The following SUFU variants were observed in gnomAD, a reference collection of about 807,000 sequenced individuals.
SUFU encodes suppressor of fused homolog.
Under a neutral mutation model 58.9 loss-of-function variants are expected in SUFU, and 7 were observed. The observed-to-expected ratio is 0.12, with a 90% CI of 0.07 to 0.22. The LOEUF (loss-of-function observed/expected upper bound fraction) is 0.22. Ranked by LOEUF, SUFU falls within the 10% of genes least tolerant of loss-of-function variation. The probability of loss-of-function intolerance (pLI) is 1.00; values close to 1 mark genes in which losing one functional copy is unlikely to be tolerated. For missense variants in SUFU, 451 were observed against 641.3 expected (o/e 0.70, Z 3.20); for synonymous variants, 232 against 254.8 (o/e 0.91, Z 0.85).
intron 8 of SUFU, among the ~76,000 whole-genome samples, chr10:102,605,831 A>G (rs2063557984): frequency 6.6e-6 from 1 of 152,184 alleles, no homozygotes; most frequent in Non-Finnish European, 1.5e-5. Flanking sequence ...AGCAGGCCAA[A>G]TCCACTTCAC....
At chr10:102,623,666 G>C (rs553491581) in intron 10 of SUFU, among the ~76,000 whole-genome samples, 80 of 152,356 alleles carry the variant, frequency 5.3e-4, no homozygotes, top group African/African-American at 1.9e-3. Context: ...TGAGCCAGGC[G>C]TGGTGGCTCT....
chr10:102,521,091 A>G (rs117862869), intron 2 of SUFU, among the ~76,000 whole-genome samples: 1 of 152,318 alleles, frequency 6.6e-6, no homozygotes, highest in East Asian at 1.9e-4. Context: ...TCCCACTAGC[A>G]ATGAATGAGA....
chr10:102,612,759 AC>A (rs2063639872), intron 8 of SUFU, among the ~76,000 whole-genome samples: 1 of 151,866 alleles, frequency 6.6e-6, no homozygotes, highest in Admixed American at 6.6e-5. Flanking sequence ...TGTGAGAGTC[AC>A]CCCCTGGTCC....
At chr10:102,556,736 CAA>C (rs763209229) in intron 3 of SUFU, among the ~76,000 whole-genome samples, 11 of 61,610 alleles carry the variant, frequency 1.8e-4, no homozygotes, top group Admixed American at 1.7e-4. Context: ...GAGTGAGACT[CAA>C]AAAAAAAAAA....
intron 3 of SUFU, among the ~76,000 whole-genome samples, chr10:102,575,085 G>A (rs188441501): frequency 1.3e-4 from 20 of 151,886 alleles, no homozygotes; most frequent in African/African-American, 4.6e-4. Flanking sequence ...GCATGGTGGT[G>A]TGCCTGTAGT....
intron 10 of SUFU, 95 bp from the exon 11 acceptor site, chr10:102,627,080 C>T: frequency 7.4e-7 from 1 of 1,348,352 alleles, no homozygotes; most frequent in South Asian, 1.2e-5. Context: ...GCTCATCTCT[C>T]CTCCATGGTC....
rs1429441924 is a variant in SUFU at position 102,631,553 on chromosome 10, C to T, written c.*1398C>T. The T allele has an allele frequency of 4.3e-6, 1 of 233,356 alleles. No individual in the cohort carries two copies. Among genetic ancestry groups the T allele is most frequent in the African/African-American group, 2.2e-5 (1 of 45,342 alleles). The allele number at this position is 233,356 out of a possible 1,614,324, so 14.5% of individuals were successfully genotyped here. A position where few individuals can be genotyped will look rare whatever the true frequency, so the allele number is the denominator to read the frequency against. On this transcript the variant is annotated 3_prime_UTR_variant, in exon 12 of 12. Coordinates refer to ENST00000369902, the MANE Select transcript of SUFU (RefSeq NM_016169.4). Reference sequence around the variant, plus strand: ...CAATACTTCAAGATCACTCTTTACACCTCTTCAAAGCAAAGTCATGACAAT... The same window carrying T: ...CAATACTTCAAGATCACTCTTTACATCTCTTCAAAGCAAAGTCATGACAAT...
intron 8 of SUFU, among the ~76,000 whole-genome samples, chr10:102,612,033 A>G (rs1291826475): frequency 6.6e-6 from 1 of 152,248 alleles, no homozygotes; most frequent in African/African-American, 2.4e-5. Flanking sequence ...TTTTATGACT[A>G]AGATTAAGCT....
chr10:102,563,129 A>G (rs2063055367), intron 3 of SUFU, among the ~76,000 whole-genome samples: 1 of 152,170 alleles, frequency 6.6e-6, no homozygotes, highest in South Asian at 2.1e-4. Context: ...TCAGCCGCCA[A>G]GGGTCCATTT....
At chr10:102,528,961 CTT>C (rs33942579) in intron 2 of SUFU, among the ~76,000 whole-genome samples, 7 of 131,144 alleles carry the variant, frequency 5.3e-5, no homozygotes, top group African/African-American at 2.0e-4. Flanking sequence ...TTTTTCCTTT[CTT>C]TTTTTTTTTT....
At chr10:102,532,775 T>C (rs972397797) in intron 2 of SUFU, among the ~76,000 whole-genome samples, 1 of 151,646 alleles carries the variant, frequency 6.6e-6, no homozygotes, top group Non-Finnish European at 1.5e-5. Context: ...TGGCCTAGAG[T>C]ATAAGGCAGA....
At chr10:102,616,867 C>T (rs147548992) in intron 9 of SUFU, among the ~76,000 whole-genome samples, 1 of 152,340 alleles carries the variant, frequency 6.6e-6, no homozygotes, top group Non-Finnish European at 1.5e-5. Flanking sequence ...ACTATCCCAT[C>T]GTCCCAGGGA....
At chr10:102,578,585 A>G (rs2063239338) in intron 3 of SUFU, among the ~76,000 whole-genome samples, 1 of 151,832 alleles carries the variant, frequency 6.6e-6, no homozygotes, top group African/African-American at 2.4e-5. Flanking sequence ...GCGCGTGCCT[A>G]TAGTCCCAGG....
intron 2 of SUFU, among the ~76,000 whole-genome samples, chr10:102,541,864 A>G (rs960049813): frequency 3.6e-5 from 5 of 138,792 alleles, no homozygotes; most frequent in Admixed American, 7.6e-5. Flanking sequence ...GTACACCGCC[A>G]TGCCCGGCTA....
intron 8 of SUFU, among the ~76,000 whole-genome samples, chr10:102,608,128 G>C (rs1163081681): frequency 6.6e-6 from 1 of 151,924 alleles, no homozygotes; most frequent in Non-Finnish European, 1.5e-5. Flanking sequence ...GGAGGCTGAG[G>C]TGGGAGAATC....
At chr10:102,607,980 G>A (rs1471362239) in intron 8 of SUFU, among the ~76,000 whole-genome samples, 1 of 151,444 alleles carries the variant, frequency 6.6e-6, no homozygotes, top group African/African-American at 2.4e-5. Context: ...AAATATCAAG[G>A]ATGGGAGGCT....
At chr10:102,594,403 A>C (rs998967507) in intron 6 of SUFU, among the ~76,000 whole-genome samples, 7 of 152,160 alleles carry the variant, frequency 4.6e-5, no homozygotes, top group Non-Finnish European at 1.0e-4. Context: ...CCTGCCTCCC[A>C]GACTTTCTTT....
chr10:102,575,867 G>T (rs771485456), intron 3 of SUFU, among the ~76,000 whole-genome samples: 1 of 151,906 alleles, frequency 6.6e-6, no homozygotes, highest in Non-Finnish European at 1.5e-5. Flanking sequence ...TTGGAAACGG[G>T]GTCTCTGTTG....
intron 3 of SUFU, among the ~76,000 whole-genome samples, chr10:102,559,956 G>T (rs1293596149): frequency 6.6e-6 from 1 of 152,162 alleles, no homozygotes; most frequent in Non-Finnish European, 1.5e-5. Flanking sequence ...CAGTTGGCTC[G>T]ATTTGTGAGT....
Sources: allele counts gnomAD v4.1 joint callset (sites outside exome capture counted in the v4.1 genomes callset), GRCh38; gene constraint gnomAD v4.1.1; transcripts MANE v1.5; gene names NCBI Gene and HGNC (gene_info 2026-07-23, HGNC 2026-07-21).